The following APC variants were observed in gnomAD, a reference collection of about 807,000 sequenced individuals.
The protein encoded by APC is APC regulator of Wnt signaling pathway, also known as adenomatous polyposis coli protein.
Under a neutral mutation model 247.0 loss-of-function variants are expected in APC, and 72 were observed. The ratio of observed to expected loss-of-function variants is 0.29; its 90% CI spans 0.24 to 0.35. APC has a LOEUF of 0.35. APC is among the 10% of genes least tolerant of loss of function. The pLI, the probability that APC is intolerant of heterozygous loss-of-function variation, is 1.00. For missense variants in APC, 3,400 were observed against 3,360.7 expected (o/e 1.01, Z -0.29); for synonymous variants, 1,254 against 1,162.5 (o/e 1.08, Z -1.60).
intron 10 of APC, among the ~76,000 whole-genome samples, chr5:112,820,978 C>T (rs1763066086): frequency 6.6e-6 from 1 of 152,062 alleles, no homozygotes; most frequent in African/African-American, 2.4e-5. Context: ...CCTCCTACCT[C>T]AGCCTCCTGA....
rs2149937895 is a variant in APC, at chr5:112,840,934, A to G, written c.5340A>G (p.Pro1780=). The change falls in exon 16 of 16, where the codon CCA becomes CCG. Residue 1780 remains proline, a synonymous_variant. Transcript: ENST00000257430. This position sits in a 1 kb window ranked among gnomAD's most constrained non-coding sequence, Gnocchi z 4.1. ...KKPTSPVKPI[P]QNTEYRTRVR... is the part of the protein sequence containing the mutation. Reference sequence around the variant, plus strand: ...CAACTTCACCAGTAAAACCTATACCACAAAATACTGAATATAGGACACGTG... The same window carrying G: ...CAACTTCACCAGTAAAACCTATACCGCAAAATACTGAATATAGGACACGTG... 6.2e-7 allele frequency: 1 copy of G among 1,613,798 alleles called. No individual in the cohort carries two copies.
At chr5:112,829,894 A>G (rs919736506) in intron 14 of APC, 1 of 152,206 alleles carries the variant, frequency 6.6e-6, no homozygotes, top group African/African-American at 2.4e-5. Flanking sequence ...TACAGAAGGA[A>G]ATATCTCCAG....
chr5:112,802,676 A>G lies in APC; in HGVS notation c.834+1293A>G, dbSNP rs114157844. The stretch of plus-strand genomic sequence containing the variant: ...ATCATTAAAAATATAAAAAGATTAG[A>G]AGAAAATGTGGGTAGCGTTTTTATA... On this transcript the variant is annotated intron_variant, in intron 8 of 15. Transcript: ENST00000257430. Among the ~76,000 whole-genome samples, 718 of 152,212 alleles carry G rather than the reference A, an allele frequency of 4.7e-3. 2 individuals carry two copies. The highest frequency in any genetic ancestry group is 0.017 in the African/African-American group (686 of 41,552).
intron 1 of APC, among the ~76,000 whole-genome samples, chr5:112,724,578 G>A (rs1399529365): frequency 1.5e-5 from 2 of 135,654 alleles, no homozygotes; most frequent in Non-Finnish European, 3.1e-5. Flanking sequence ...GAGATAGTTG[G>A]TAAGCACAGG....
intron 1 of APC, among the ~76,000 whole-genome samples, chr5:112,729,041 C>T (rs1256700678): frequency 6.6e-6 from 1 of 152,280 alleles, no homozygotes; most frequent in East Asian, 1.9e-4. Flanking sequence ...TAGCTGGAAA[C>T]GATCTAATCT....
chr5:112,815,687 G>C, intron 9 of APC, 94 bp downstream of exon 9: 1 of 999,396 alleles, frequency 1.0e-6, no homozygotes, highest in Admixed American at 2.0e-5. Flanking sequence ...TGTAATCCCA[G>C]CATTTTGGGA....
chr5:112,719,834 C>T (rs773043259), intron 1 of APC, among the ~76,000 whole-genome samples: 5 of 152,216 alleles, frequency 3.3e-5, no homozygotes, highest in Non-Finnish European at 5.9e-5. Context: ...TGCGCCACTG[C>T]GCCCAGCCAA....
intron 7 of APC, among the ~76,000 whole-genome samples, chr5:112,798,839 T>C (rs1760485110): frequency 6.6e-6 from 1 of 152,200 alleles, no homozygotes; most frequent in Admixed American, 6.5e-5. Context: ...ATTCCAGCTC[T>C]GACTCTGCCA....
chr5:112,758,665 C>A (rs946512922), intron 2 of APC, among the ~76,000 whole-genome samples: 33 of 151,696 alleles, frequency 2.2e-4, no homozygotes, highest in Admixed American at 1.6e-3. Context: ...TCGTTCTTGT[C>A]GCCCAGGCTG....
At chr5:112,764,564 A>C (rs1756053752) in intron 2 of APC, among the ~76,000 whole-genome samples, 1 of 152,192 alleles carries the variant, frequency 6.6e-6, no homozygotes, top group Non-Finnish European at 1.5e-5. Context: ...ATGTTAGTTC[A>C]GTTCTGGACA....
chr5:112,710,295 C>A (rs60522868), intron 1 of APC, among the ~76,000 whole-genome samples: 2 of 152,174 alleles, frequency 1.3e-5, no homozygotes, highest in Admixed American at 1.3e-4. Context: ...CTCATTTCCT[C>A]AGGTTTTTAT....
intron 1 of APC, among the ~76,000 whole-genome samples, chr5:112,726,017 C>G (rs1381331559): frequency 6.6e-6 from 1 of 152,096 alleles, no homozygotes; most frequent in East Asian, 1.9e-4. Flanking sequence ...CTCATCTGTT[C>G]AGGCCACCGT....
At position 112,754,002 on chromosome 5, in the gene APC, T is replaced by C. The variant is rs115198624; in HGVS notation, c.-18-871T>C. Among the ~76,000 whole-genome samples the C allele has an allele frequency of 5.2e-3, 792 of 152,322 alleles. 4 individuals carry two copies. Among genetic ancestry groups the C allele is most frequent in the Middle Eastern group, 0.01 (3 of 294 alleles). ...TATAACTCCTAGCATTCTATAATTC[T>C]TCCTAAAGTCCTCTTACCTGGCTAT... is the stretch of plus-strand genomic sequence containing the variant. On this transcript the variant is annotated intron_variant, in intron 1 of 15. Coordinates refer to ENST00000257430, the MANE Select transcript of APC (RefSeq NM_000038.6).
chr5:112,821,773 G>C (rs865798212), intron 10 of APC, 123 bp from the exon 11 acceptor site: 5 of 720,340 alleles, frequency 6.9e-6, no homozygotes, highest in Middle Eastern at 7.0e-4. Context: ...AATATTTGTT[G>C]ATCCACTAAA....
intron 8 of APC, among the ~76,000 whole-genome samples, chr5:112,813,836 A>G (rs1303984170): frequency 3.9e-5 from 6 of 152,146 alleles, no homozygotes; most frequent in Non-Finnish European, 7.4e-5. Context: ...TGTTGGTTCC[A>G]GAATTCTCCC....
intron 1 of APC, among the ~76,000 whole-genome samples, chr5:112,747,047 C>G (rs1161858561): frequency 1.3e-5 from 2 of 152,154 alleles, no homozygotes; most frequent in Non-Finnish European, 2.9e-5. Context: ...CTGCATTACC[C>G]AAGCTGGTCT....
intron 7 of APC, among the ~76,000 whole-genome samples, chr5:112,795,930 A>G (rs896852476): frequency 2.6e-5 from 4 of 152,222 alleles, no homozygotes; most frequent in African/African-American, 9.6e-5. Context: ...AAAGAAAGCA[A>G]CCAGTCCATA....
chr5:112,708,054 C>T (rs898554213), intron 1 of APC, among the ~76,000 whole-genome samples: 1 of 152,218 alleles, frequency 6.6e-6, no homozygotes, highest in Non-Finnish European at 1.5e-5. Context: ...TGGCCCCTGG[C>T]TTTGCAGGTC....
At chr5:112,826,531 A>C (rs1181444762) in intron 11 of APC, among the ~76,000 whole-genome samples, 1 of 151,926 alleles carries the variant, frequency 6.6e-6, no homozygotes, top group Non-Finnish European at 1.5e-5. Flanking sequence ...GTTTTGAAAA[A>C]CACAAATCAG....
Sources: allele counts gnomAD v4.1 joint callset (sites outside exome capture counted in the v4.1 genomes callset), GRCh38; gene constraint gnomAD v4.1.1; non-coding constraint Gnocchi (gnomAD v3.1); transcripts MANE v1.5; gene names NCBI Gene and HGNC (gene_info 2026-07-23, HGNC 2026-07-21).